The following RALGAPB variants were observed in gnomAD, a reference collection of about 807,000 sequenced individuals.
The protein encoded by RALGAPB is Ral GTPase activating protein non-catalytic subunit beta.
Under a neutral mutation model 161.1 loss-of-function variants are expected in RALGAPB, and 25 were observed. The ratio of observed to expected loss-of-function variants is 0.16; its 90% confidence interval spans 0.11 to 0.22. RALGAPB has a LOEUF of 0.22. Among genes scored for constraint, RALGAPB ranks in the 10% least tolerant of loss-of-function variants. The probability of loss-of-function intolerance (pLI) is 1.00; values close to 1 mark genes in which losing one functional copy is unlikely to be tolerated. For synonymous variants in RALGAPB, 629 were observed against 626.1 expected, an observed-to-expected ratio of 1.00 and a Z score of -0.07; for missense variants, 1,391 against 1,815.2, an observed-to-expected ratio of 0.77 and a Z score of 4.25.
At chr20:38,540,175 T>C (rs1447955173) in intron 17 of RALGAPB, among the ~76,000 whole-genome samples, 2 of 152,232 alleles carry the variant, frequency 1.3e-5, no homozygotes, top group African/African-American at 2.4e-5. Flanking sequence ...AGAAATTGTT[T>C]AGAAAGATGA....
rs1334891714 is a variant in RALGAPB, at chr20:38,525,430, T to C, written c.1814T>C (p.Val605Ala). Residue 605 changes from valine to alanine, a missense_variant, in exon 12 of 30, where the codon GTA becomes GCA. By Grantham distance (64) the Val-to-Ala change is moderately conservative. Coordinates refer to ENST00000262879, the MANE Select transcript of RALGAPB (RefSeq NM_020336.4). ...GAACTCTCAAAATTCAAAAGCTATG[T>C]AAATCCAACAGAATTGCGAAGATCC... is the stretch of plus-strand genomic sequence containing the variant. ...DRELSKFKSY[V>A]NPTELRRSSI... The C allele has an allele frequency of 6.3e-7, 1 of 1,597,774 alleles. No individual in the cohort carries two copies. The highest frequency in any genetic ancestry group is 8.5e-7 in the Non-Finnish European group (1 of 1,175,406).
chr20:38,535,126 C>G lies in RALGAPB; in HGVS notation c.2298C>G (p.Val766=), dbSNP rs1280359436. 5 of 1,613,980 alleles carry G rather than the reference C, an allele frequency of 3.1e-6. No individual in the cohort carries two copies. The South Asian group carries it at 5.5e-5, about 18-fold the overall frequency. ...AGLLIRSIHL[V]TQRLNSQWRQ... ...TCCTGATTCGCAGCATTCATCTCGT[C>G]ACCCAAAGACTCAACTCCCAGTGGC... Residue 766 remains valine, a synonymous_variant, in exon 16 of 30, where the codon GTC becomes GTG. Transcript: ENST00000262879.
chr20:38,543,277 C>T (rs2087034633), intron 18 of RALGAPB, among the ~76,000 whole-genome samples: 1 of 152,212 alleles, frequency 6.6e-6, no homozygotes, highest in Admixed American at 6.5e-5. Context: ...TATGCAAACA[C>T]AGAACTTTGG....
At chr20:38,564,175 A>G (rs6070633) in intron 24 of RALGAPB, among the ~76,000 whole-genome samples, 19,606 of 152,158 alleles carry the variant, frequency 0.13, 3,512 homozygotes, top group African/African-American at 0.4. Flanking sequence ...TACTACATCA[A>G]ATACAAAGTG....
chr20:38,497,608 A>T, intron 4 of RALGAPB, 92 bp downstream of exon 4: 1 of 1,357,746 alleles, frequency 7.4e-7, no homozygotes, highest in Non-Finnish European at 1.0e-6. Context: ...TGGGGATTTA[A>T]ATTTTGGCAT....
intron 1 of RALGAPB, among the ~76,000 whole-genome samples, chr20:38,484,258 C>T (rs1236956149): frequency 2.0e-5 from 3 of 152,194 alleles, no homozygotes; most frequent in Non-Finnish European, 4.4e-5. Flanking sequence ...TCTGTCACTG[C>T]ACTTTGCCTT....
chr20:38,557,241 A>G (rs1176553919), intron 22 of RALGAPB, among the ~76,000 whole-genome samples: 2 of 152,230 alleles, frequency 1.3e-5, no homozygotes, highest in Non-Finnish European at 2.9e-5. Flanking sequence ...TTTTCAGAAC[A>G]ATTGAGCAGA....
chr20:38,490,868 C>T (rs1186006189), intron 2 of RALGAPB, among the ~76,000 whole-genome samples: 4 of 152,294 alleles, frequency 2.6e-5, no homozygotes, highest in East Asian at 3.9e-4. Flanking sequence ...TGGTCTCGAA[C>T]TCCTGATCTC....
Position 38,497,561 on chromosome 20 carries a change from A to G in RALGAPB, c.553+45A>G, listed in dbSNP as rs777853995. On this transcript the variant is annotated intron_variant, in intron 4 of 29. Coordinates refer to ENST00000262879, the MANE Select transcript of RALGAPB (RefSeq NM_020336.4). ...TCTAATTTATTTCTGAGCTCCAAAT[A>G]CAGTTCATCTTTAAACTCAGTGAGC... is the stretch of plus-strand genomic sequence containing the variant. 3.8e-6 allele frequency: 6 copies of G among 1,562,496 alleles called. No homozygotes were observed. The Admixed American group carries it at 9.6e-5, about 25-fold the overall frequency.
chr20:38,554,571 C>T (rs889841163), intron 22 of RALGAPB, among the ~76,000 whole-genome samples: 7 of 152,198 alleles, frequency 4.6e-5, no homozygotes, highest in African/African-American at 1.7e-4. Flanking sequence ...GTCCTGGAAT[C>T]ACTGCTTGCC....
chr20:38,496,904 T>G (rs976784532), intron 3 of RALGAPB, among the ~76,000 whole-genome samples: 1 of 152,212 alleles, frequency 6.6e-6, no homozygotes, highest in African/African-American at 2.4e-5. Context: ...CTATGAGCAC[T>G]GTAAAATCAC....
chr20:38,565,417 G>A lies in RALGAPB; in HGVS notation c.3756G>A (p.Leu1252=). ...TTTTCAATGGACAGAAGAAGGTGCT[G>A]TATTATGCTGATGCCCTTACAGAAA... ...ASIFNGQKKV[L]YYADALTEIA... The change falls in exon 25 of 30, where the codon CTG becomes CTA. Residue 1252 remains leucine, a synonymous_variant. Coordinates refer to ENST00000262879, the MANE Select transcript of RALGAPB (RefSeq NM_020336.4). 2 of 1,613,390 alleles carry A rather than the reference G, an allele frequency of 1.2e-6. No homozygotes were observed. Among genetic ancestry groups the A allele is most frequent in the South Asian group, 1.1e-5 (1 of 91,044 alleles).
chr20:38,560,565 A>C (rs750321336), intron 23 of RALGAPB, among the ~76,000 whole-genome samples: 58 of 152,166 alleles, frequency 3.8e-4, no homozygotes, highest in Non-Finnish European at 7.3e-4. Flanking sequence ...GTTTTAGAAG[A>C]AGCTCAGTAA....
chr20:38,522,982 T>C (rs544435545), intron 10 of RALGAPB, among the ~76,000 whole-genome samples: 7 of 152,158 alleles, frequency 4.6e-5, no homozygotes, highest in Non-Finnish European at 1.0e-4. Context: ...TATTGTAGTG[T>C]GCTTCTGAGT....
Position 38,553,995 on chromosome 20 carries a change from G to T in RALGAPB, c.3291G>T (p.Lys1097Asn). ...TTCCTGACCCAGTTACGGATTGCAA[G>T]CCCCCGCCTCCTGCCCAGGAATTCC... ...RSFPDPVTDC[K>N]PPPPAQEFQT... Residue 1097 changes from lysine to asparagine, a missense_variant, in exon 22 of 30, where the codon AAG becomes AAT. Lys to Asn is a moderately conservative substitution (Grantham distance 94). This residue lies in a region of RALGAPB where 436 missense variants were observed against 527.0 expected (regional missense o/e 0.83). Coordinates refer to ENST00000262879, the MANE Select transcript of RALGAPB (RefSeq NM_020336.4). The T allele has an allele frequency of 6.2e-7, 1 of 1,613,814 alleles. No individual in the cohort carries two copies. The highest frequency in any genetic ancestry group is 8.5e-7 in the Non-Finnish European group (1 of 1,179,872).
At chr20:38,506,845 T>C (rs1027580100) in intron 5 of RALGAPB, among the ~76,000 whole-genome samples, 40 of 152,168 alleles carry the variant, frequency 2.6e-4, no homozygotes, top group Non-Finnish European at 5.0e-4. Flanking sequence ...ACTTCTCTTT[T>C]TCTGAGTTAA....
intron 13 of RALGAPB, among the ~76,000 whole-genome samples, chr20:38,529,560 T>C (rs938434087): frequency 6.7e-6 from 1 of 149,662 alleles, no homozygotes; most frequent in Non-Finnish European, 1.5e-5. Flanking sequence ...AGCTTGGGCG[T>C]GGTGGCTCAT....
At chr20:38,524,181 G>T (rs2086383950) in intron 10 of RALGAPB, among the ~76,000 whole-genome samples, 1 of 152,090 alleles carries the variant, frequency 6.6e-6, no homozygotes. Context: ...GCTATATTCA[G>T]GTATATTCCT....
Position 38,517,967 on chromosome 20 carries a change from C to A in RALGAPB, c.1384C>A (p.His462Asn), listed in dbSNP as rs1288087871. 1 of 1,612,476 alleles carries A rather than the reference C, an allele frequency of 6.2e-7. No individual in the cohort carries two copies. The highest frequency in any genetic ancestry group is 1.7e-5 in the Admixed American group (1 of 60,024). ...FDAAFVHCKL[H>N]NGINRDSSMT... Reference sequence around the variant, plus strand: ...TGCAGCATTTGTTCACTGTAAACTTCATAATGGGATAAACAGAGACAGCAG... The same window carrying A: ...TGCAGCATTTGTTCACTGTAAACTTAATAATGGGATAAACAGAGACAGCAG... The change falls in exon 9 of 30, where the codon CAT becomes AAT. Residue 462 changes from histidine to asparagine, a missense_variant. His to Asn is a moderately conservative substitution (Grantham distance 68, BLOSUM62 1). Around this residue, in one of 3 missense-constraint regions of RALGAPB, gnomAD observed 946 missense variants for 1,257.2 expected, o/e 0.75. Coordinates refer to ENST00000262879, the MANE Select transcript of RALGAPB (RefSeq NM_020336.4).
Sources: gnomAD v4.1 joint callset for allele counts (sites outside exome capture counted in the v4.1 genomes callset) on GRCh38, gnomAD v4.1.1 for gene constraint, gnomAD v4.1.1 regional missense constraint, MANE v1.5 for transcripts, NCBI Gene and HGNC (gene_info 2026-07-23, HGNC 2026-07-21) for gene names.